AMBRA1: variants seen among roughly 807,000 people sequenced by gnomAD.
AMBRA1 encodes autophagy and beclin 1 regulator 1, also known as activating molecule in BECN1-regulated autophagy protein 1.
In AMBRA1, 47 loss-of-function variants were observed where a neutral mutation model predicts 125.4. The ratio of observed to expected loss-of-function variants is 0.37; its 90% CI spans 0.30 to 0.48. The LOEUF is 0.48. Ranked by LOEUF, AMBRA1 falls within the 20% of genes least tolerant of loss-of-function variation. The pLI, the probability that AMBRA1 is intolerant of heterozygous loss-of-function variation, is 0.99. For synonymous variants in AMBRA1, 626 were observed against 655.5 expected, an observed-to-expected ratio of 0.95 and a Z score of 0.69; for missense variants, 1,331 against 1,693.4, an observed-to-expected ratio of 0.79 and a Z score of 3.76.
chr11:46,454,521 G>A (rs910833467), intron 11 of AMBRA1, among the ~76,000 whole-genome samples: 2 of 148,650 alleles, frequency 1.3e-5, no homozygotes, highest in African/African-American at 4.9e-5. Flanking sequence ...GGATCACGAG[G>A]TCAGGAGATC....
chr11:46,471,198 T>C (rs1013592183), intron 11 of AMBRA1, among the ~76,000 whole-genome samples: 6 of 152,094 alleles, frequency 3.9e-5, no homozygotes, highest in Non-Finnish European at 7.4e-5. Flanking sequence ...TCCCAGCACT[T>C]TGGGAGGCTC....
intron 1 of AMBRA1, among the ~76,000 whole-genome samples, chr11:46,569,885 C>A (rs983927641): frequency 1.4e-4 from 22 of 151,888 alleles, no homozygotes; most frequent in Admixed American, 1.4e-3. Context: ...CACTTGAACC[C>A]AGAAGGCGGA....
chr11:46,462,086 T>C lies in AMBRA1; in HGVS notation c.2522-18488A>G, dbSNP rs563699963. Among the ~76,000 whole-genome samples the C allele has an allele frequency of 8.5e-5, 13 of 152,336 alleles. No individual in the cohort carries two copies. The South Asian group carries it at 1.7e-3, about 19-fold the overall frequency. ...CTGAGAAAGGCCTGTGGCAAATTTCTAGCTTTTACAAGAGATATCTGACGA... is the reference window on the plus strand; with the variant it reads ...CTGAGAAAGGCCTGTGGCAAATTTCCAGCTTTTACAAGAGATATCTGACGA... On this transcript the variant is annotated intron_variant, in intron 11 of 17. Transcript: ENST00000683756.
chr11:46,505,358 G>A (rs763951471), intron 9 of AMBRA1, among the ~76,000 whole-genome samples: 1 of 152,218 alleles, frequency 6.6e-6, no homozygotes, highest in Admixed American at 6.5e-5. Flanking sequence ...ACTGTAGAGG[G>A]AGGTGGGCAG....
intron 17 of AMBRA1, among the ~76,000 whole-genome samples, chr11:46,401,393 A>G (rs1416489058): frequency 6.6e-6 from 1 of 152,170 alleles, no homozygotes; most frequent in Non-Finnish European, 1.5e-5. Flanking sequence ...GGCATGTGCC[A>G]CCATACCCAG....
intron 9 of AMBRA1, among the ~76,000 whole-genome samples, chr11:46,505,478 A>T (rs1950998500): frequency 2.0e-5 from 3 of 152,180 alleles, no homozygotes; most frequent in African/African-American, 7.2e-5. Flanking sequence ...GCTGCTATTA[A>T]AAACAAGATT....
intron 1 of AMBRA1, among the ~76,000 whole-genome samples, chr11:46,568,803 C>CTTTTTTTTTTTTTTTTTT (rs774631588): frequency 1.6e-4 from 15 of 96,476 alleles, no homozygotes; most frequent in African/African-American, 6.9e-4. Context: ...TCAACCCTAC[C>CTTTTTTTTTTTTTTTTTT]TTTTTTTTTT....
At chr11:46,475,870 A>C (rs1949793205) in intron 11 of AMBRA1, among the ~76,000 whole-genome samples, 1 of 152,258 alleles carries the variant, frequency 6.6e-6, no homozygotes, top group African/African-American at 2.4e-5. Context: ...GAAAGCAGGC[A>C]GCTTCAAATA....
At chr11:46,495,428 G>A (rs1280140509) in intron 9 of AMBRA1, 2 of 152,230 alleles carry the variant, frequency 1.3e-5, no homozygotes, top group East Asian at 1.9e-4. Context: ...TGGCTGCCGA[G>A]CATTAAATGA....
intron 7 of AMBRA1, among the ~76,000 whole-genome samples, chr11:46,538,154 CCTT>C (rs1196370272): frequency 6.6e-6 from 1 of 152,170 alleles, no homozygotes. Flanking sequence ...AAATGGTGGT[CCTT>C]CTTTAATGTG....
At chr11:46,587,156 G>A (rs1007540278) in intron 1 of AMBRA1, among the ~76,000 whole-genome samples, 3 of 152,160 alleles carry the variant, frequency 2.0e-5, no homozygotes, top group Non-Finnish European at 4.4e-5. Flanking sequence ...AAGGTGGGCA[G>A]ATCACCTAAA....
rs558906424 is a variant in AMBRA1 at position 46,593,993 on chromosome 11, C to T, written c.-286G>A. 22 of 398,658 alleles carry T rather than the reference C, an allele frequency of 5.5e-5. No individual in the cohort carries two copies. The Admixed American group carries it at 6.2e-4, about 11-fold the overall frequency. 24.7% of individuals were successfully genotyped at this position (398,658 alleles called of 1,614,324 possible). On this transcript the variant is annotated 5_prime_UTR_variant, in exon 1 of 18. Transcript: ENST00000683756. ...GACAACTCAGCCCTCGACCCGGCGC[C>T]GCCGCCGCTCAGGAGACATCAAGCA...
chr11:46,446,643 C>T (rs1221425886), intron 11 of AMBRA1, among the ~76,000 whole-genome samples: 2 of 152,188 alleles, frequency 1.3e-5, no homozygotes, highest in Non-Finnish European at 2.9e-5. Flanking sequence ...CTGGCCTCTA[C>T]CCACTAGATG....
intron 1 of AMBRA1, among the ~76,000 whole-genome samples, chr11:46,564,218 TA>T (rs781562495): frequency 2.7e-3 from 357 of 130,944 alleles, no homozygotes; most frequent in Middle Eastern, 3.9e-3. Context: ...ATCCCAGTAT[TA>T]AAAAAAAAAA....
intron 1 of AMBRA1, among the ~76,000 whole-genome samples, chr11:46,580,556 C>T (rs1167280630): frequency 6.6e-6 from 1 of 152,214 alleles, no homozygotes; most frequent in Non-Finnish European, 1.5e-5. Flanking sequence ...GGCCAAAAAT[C>T]TGGAATCATA....
intron 11 of AMBRA1, among the ~76,000 whole-genome samples, chr11:46,463,144 T>C (rs1171747670): frequency 6.6e-6 from 1 of 152,240 alleles, no homozygotes. Context: ...TGTTTCTCTC[T>C]TATTCTGTTA....
chr11:46,441,520 A>G (rs184280873), intron 12 of AMBRA1, among the ~76,000 whole-genome samples: 1 of 152,104 alleles, frequency 6.6e-6, no homozygotes, highest in Non-Finnish European at 1.5e-5. Flanking sequence ...TTTCAGAAAA[A>G]AAAAGATCAA....
intron 11 of AMBRA1, among the ~76,000 whole-genome samples, chr11:46,480,044 G>A (rs1054935107): frequency 3.3e-5 from 5 of 152,096 alleles, no homozygotes; most frequent in African/African-American, 1.2e-4. Flanking sequence ...GTTCCCACTC[G>A]CTGCTAGCTG....
intron 1 of AMBRA1, chr11:46,591,364 T>G (rs908788254): frequency 1.3e-5 from 2 of 152,218 alleles, no homozygotes; most frequent in Non-Finnish European, 2.9e-5. Flanking sequence ...ATTAATCCCC[T>G]TCTGGGAGCA....
Sources: gnomAD v4.1 joint callset for allele counts (sites outside exome capture counted in the v4.1 genomes callset) on GRCh38, gnomAD v4.1.1 for gene constraint, MANE v1.5 for transcripts, NCBI Gene and HGNC (gene_info 2026-07-23, HGNC 2026-07-21) for gene names.